Variants in PRKCA observed in about 807,000 individuals in gnomAD.
PRKCA encodes protein kinase C alpha type.
PRKCA carries 27 observed loss-of-function variants against 87.0 expected under a neutral mutation model. The ratio of observed to expected loss-of-function variants is 0.31; its 90% CI spans 0.23 to 0.43. The LOEUF (loss-of-function observed/expected upper bound fraction) is 0.43. Among genes scored for constraint, PRKCA ranks in the 20% least tolerant of loss-of-function variants. The pLI is 1.00. For synonymous variants in PRKCA, 329 were observed against 311.1 expected (o/e 1.06, Z -0.61); for missense variants, 518 against 852.3 (o/e 0.61, Z 4.88).
rs147061732 is a variant in PRKCA at position 66,423,811 on chromosome 17, A to G, written c.206-72390A>G. On this transcript the variant is annotated intron_variant, in intron 2 of 16. Coordinates refer to ENST00000413366, the MANE Select transcript of PRKCA (RefSeq NM_002737.3). ...GTCTGGGAGCGCTTCCCTGGAGCCG[A>G]ATGTGTTTAAGAATTCAATCTTTTA... 2.4e-3 allele frequency among the ~76,000 whole-genome samples: 370 copies of G among 152,204 alleles called. 2 individuals carry two copies. Among genetic ancestry groups the G allele is most frequent in the African/African-American group, 8.8e-3 (364 of 41,544 alleles).
chr17:66,464,031 G>A (rs1288587101), intron 2 of PRKCA, among the ~76,000 whole-genome samples: 1 of 152,126 alleles, frequency 6.6e-6, no homozygotes, highest in Admixed American at 6.5e-5. Flanking sequence ...TCCACCAATA[G>A]AAGATCCCTT....
chr17:66,348,365 C>CT (rs1437932889), intron 2 of PRKCA, among the ~76,000 whole-genome samples: 1 of 152,210 alleles, frequency 6.6e-6, no homozygotes, highest in Non-Finnish European at 1.5e-5. Flanking sequence ...CCGCCTGGCA[C>CT]TGTCACCTTG....
At chr17:66,731,775 CTTTTTTTTT>C (rs796884841) in intron 8 of PRKCA, among the ~76,000 whole-genome samples, 6 of 71,432 alleles carry the variant, frequency 8.4e-5, no homozygotes, top group African/African-American at 1.1e-4. Flanking sequence ...TGCTCCCTTT[CTTTTTTTTT>C]TTTTTTTTTT....
intron 16 of PRKCA, among the ~76,000 whole-genome samples, chr17:66,795,756 T>C (rs1162238626): frequency 6.6e-6 from 1 of 152,214 alleles, no homozygotes; most frequent in African/African-American, 2.4e-5. Context: ...ATTACAACTT[T>C]TCTTGGAAAA....
chr17:66,374,330 C>G (rs926464857), intron 2 of PRKCA, among the ~76,000 whole-genome samples: 1 of 152,194 alleles, frequency 6.6e-6, no homozygotes, highest in Non-Finnish European at 1.5e-5. Context: ...TGGCTTCAGT[C>G]CCCGGTGGGG....
chr17:66,680,389 T>G (rs574063779), intron 5 of PRKCA, among the ~76,000 whole-genome samples: 1 of 152,320 alleles, frequency 6.6e-6, no homozygotes, highest in East Asian at 1.9e-4. Context: ...ACTTTTGCAG[T>G]AATTCTGTTT....
intron 3 of PRKCA, among the ~76,000 whole-genome samples, chr17:66,617,101 C>A (rs1033296347): frequency 1.3e-5 from 2 of 152,090 alleles, no homozygotes; most frequent in African/African-American, 4.8e-5. Context: ...ATGTCATTCT[C>A]AATCTTTTAA....
intron 2 of PRKCA, among the ~76,000 whole-genome samples, chr17:66,413,693 G>A (rs1030666446): frequency 2.6e-5 from 4 of 152,128 alleles, no homozygotes; most frequent in Non-Finnish European, 4.4e-5. Flanking sequence ...GCTCTTATGA[G>A]CTCTGTGTTA....
chr17:66,351,370 C>T (rs1336397698), intron 2 of PRKCA, among the ~76,000 whole-genome samples: 1 of 152,180 alleles, frequency 6.6e-6, no homozygotes, highest in Non-Finnish European at 1.5e-5. Context: ...GCAAGTGTTC[C>T]TGGCATTGTG....
chr17:66,340,362 GT>G (rs1321617963), intron 2 of PRKCA, among the ~76,000 whole-genome samples: 1 of 124,604 alleles, frequency 8.0e-6, no homozygotes, highest in Admixed American at 1.0e-4. Flanking sequence ...AGGGTGTTTG[GT>G]TTCTTTTTTT....
At chr17:66,687,656 G>A (rs1269975007) in intron 6 of PRKCA, among the ~76,000 whole-genome samples, 1 of 152,196 alleles carries the variant, frequency 6.6e-6, no homozygotes, top group African/African-American at 2.4e-5. Flanking sequence ...CACAGAATGA[G>A]TGAGTAACAT....
chr17:66,587,677 G>A (rs940740929), intron 3 of PRKCA, among the ~76,000 whole-genome samples: 2 of 146,442 alleles, frequency 1.4e-5, no homozygotes, highest in African/African-American at 2.5e-5. Flanking sequence ...ACATATATAC[G>A]TATATGTGTG....
At chr17:66,457,785 C>T (rs1423307637) in intron 2 of PRKCA, among the ~76,000 whole-genome samples, 2 of 152,142 alleles carry the variant, frequency 1.3e-5, no homozygotes. Context: ...GAGGCCTCCT[C>T]AGCCCTGCGG....
At chr17:66,698,053 A>T (rs1456780886) in intron 8 of PRKCA, among the ~76,000 whole-genome samples, 1 of 152,218 alleles carries the variant, frequency 6.6e-6, no homozygotes, top group Admixed American at 6.5e-5. Context: ...ATAGAAAAGG[A>T]TTAAGAAAGT....
At chr17:66,797,937 T>A (rs1414017392) in intron 16 of PRKCA, among the ~76,000 whole-genome samples, 1 of 152,218 alleles carries the variant, frequency 6.6e-6, no homozygotes, top group Non-Finnish European at 1.5e-5. Context: ...GCTCACAAGG[T>A]ATAAATGTTA....
At chr17:66,584,457 C>A (rs1167047119) in intron 3 of PRKCA, among the ~76,000 whole-genome samples, 1 of 152,158 alleles carries the variant, frequency 6.6e-6, no homozygotes, top group Non-Finnish European at 1.5e-5. Flanking sequence ...ACCTCCAGAC[C>A]TCAGGTGATC....
chr17:66,785,990 G>A (rs761185716), intron 14 of PRKCA, among the ~76,000 whole-genome samples: 46 of 152,236 alleles, frequency 3.0e-4, no homozygotes, highest in Non-Finnish European at 5.3e-4. Flanking sequence ...CACCATGCCC[G>A]GCTAATTTTT....
intron 2 of PRKCA, among the ~76,000 whole-genome samples, chr17:66,482,116 A>C (rs1567851518): frequency 6.7e-6 from 1 of 148,900 alleles, no homozygotes; most frequent in Non-Finnish European, 1.5e-5. Context: ...AAAAAAAAAA[A>C]AGAAAAAAAG....
chr17:66,383,126 C>G (rs1303624093), intron 2 of PRKCA, among the ~76,000 whole-genome samples: 1 of 152,142 alleles, frequency 6.6e-6, no homozygotes, highest in Non-Finnish European at 1.5e-5. Flanking sequence ...TACATATATT[C>G]TAATTTACTG....
Sources: gnomAD v4.1 joint callset for allele counts (sites outside exome capture counted in the v4.1 genomes callset) on GRCh38, gnomAD v4.1.1 for gene constraint, MANE v1.5 for transcripts, NCBI Gene and HGNC (gene_info 2026-07-23, HGNC 2026-07-21) for gene names.